The following ARHGAP25 variants were observed in gnomAD, a reference collection of about 807,000 sequenced individuals.
The protein encoded by ARHGAP25 is rho GTPase-activating protein 25.
Under a neutral mutation model 71.0 loss-of-function variants are expected in ARHGAP25, and 34 were observed. The ratio of observed to expected loss-of-function variants is 0.48; its 90% CI spans 0.36 to 0.64. The LOEUF (loss-of-function observed/expected upper bound fraction) is 0.64. ARHGAP25 is among the 30% of genes least tolerant of loss of function. The pLI is 0.00. For synonymous variants in ARHGAP25, 282 were observed against 296.5 expected (o/e 0.95, Z 0.50); for missense variants, 706 against 805.1 (o/e 0.88, Z 1.49).
chr2:68,718,635 G>T (rs1674678644), intron 2 of ARHGAP25, among the ~76,000 whole-genome samples: 1 of 152,118 alleles, frequency 6.6e-6, no homozygotes. Flanking sequence ...AGAGATATTT[G>T]TCTCTGACCC....
chr2:68,818,667 A>G (rs1444815962), intron 8 of ARHGAP25, among the ~76,000 whole-genome samples: 1 of 152,248 alleles, frequency 6.6e-6, no homozygotes, highest in African/African-American at 2.4e-5. Flanking sequence ...AAGGCTGCTT[A>G]AAAAGCTGTG....
intron 4 of ARHGAP25, among the ~76,000 whole-genome samples, chr2:68,800,406 G>T (rs1238236711): frequency 6.6e-6 from 1 of 152,170 alleles, no homozygotes; most frequent in Non-Finnish European, 1.5e-5. Context: ...GAGGGTTAAG[G>T]GGTGGAGATG....
chr2:68,726,048 T>A (rs1246910482), intron 2 of ARHGAP25, among the ~76,000 whole-genome samples: 2 of 152,206 alleles, frequency 1.3e-5, no homozygotes, highest in Non-Finnish European at 2.9e-5. Context: ...CCCGTAGCAC[T>A]TTTTCTTTTT....
At chr2:68,805,025 G>C (rs1170268121) in intron 4 of ARHGAP25, among the ~76,000 whole-genome samples, 1 of 152,182 alleles carries the variant, frequency 6.6e-6, no homozygotes, top group Non-Finnish European at 1.5e-5. Context: ...CACAGAGTAG[G>C]ATGTAGTCCC....
At chr2:68,772,011 C>A (rs1293603576) in intron 1 of ARHGAP25, among the ~76,000 whole-genome samples, 1 of 152,210 alleles carries the variant, frequency 6.6e-6, no homozygotes. Context: ...TTTGCCAGGT[C>A]ATTCTGCAAC....
intron 9 of ARHGAP25, 122 bp downstream of exon 9, chr2:68,819,441 C>T (rs1681476682): frequency 1.0e-6 from 1 of 974,702 alleles, no homozygotes; most frequent in Admixed American, 1.9e-5. Context: ...GCAGTGGGCG[C>T]TGCTGCTACA....
upstream of ARHGAP25, among the ~76,000 whole-genome samples, chr2:68,731,207 C>G (rs1675013414): frequency 6.6e-6 from 1 of 152,040 alleles, no homozygotes; most frequent in African/African-American, 2.4e-5. Context: ...CAACATGCCC[C>G]AAACTAAGCC....
intron 5 of ARHGAP25, among the ~76,000 whole-genome samples, chr2:68,813,032 A>C (rs976018941): frequency 6.6e-5 from 10 of 152,214 alleles, no homozygotes; most frequent in Admixed American, 3.9e-4. Context: ...ACGTTTAGTA[A>C]AAATGTAGAC....
intron 4 of ARHGAP25, among the ~76,000 whole-genome samples, chr2:68,804,669 A>G (rs570573407): frequency 7.2e-4 from 110 of 152,314 alleles, no homozygotes; most frequent in Middle Eastern, 3.4e-3. Context: ...AACCCATTCC[A>G]TGGAACCTGG....
At chr2:68,719,424 A>G (rs930511526) in intron 2 of ARHGAP25, among the ~76,000 whole-genome samples, 1 of 142,014 alleles carries the variant, frequency 7.0e-6, no homozygotes, top group Non-Finnish European at 1.6e-5. Context: ...ATTGGTCGAC[A>G]TGGCAAAAAA....
chr2:68,711,146 TG>T (rs907599624), intron 2 of ARHGAP25, among the ~76,000 whole-genome samples: 1 of 152,228 alleles, frequency 6.6e-6, no homozygotes, highest in Non-Finnish European at 1.5e-5. Flanking sequence ...GGAAATCCAA[TG>T]TCTTCTCCTT....
chr2:68,717,556 A>G (rs2104251619), intron 2 of ARHGAP25, among the ~76,000 whole-genome samples: 1 of 152,290 alleles, frequency 6.6e-6, no homozygotes, highest in Admixed American at 6.5e-5. Context: ...TTAGGTAAAA[A>G]CTGCAGTCTT....
chr2:68,776,244 GT>G (rs1677906123), intron 2 of ARHGAP25, among the ~76,000 whole-genome samples: 1 of 151,874 alleles, frequency 6.6e-6, no homozygotes, highest in African/African-American at 2.4e-5. Context: ...AAGCAAGAGG[GT>G]AGTCAGGGGT....
chr2:68,732,669 T>A (rs1342387994), upstream of ARHGAP25, among the ~76,000 whole-genome samples: 1 of 152,206 alleles, frequency 6.6e-6, no homozygotes, highest in Non-Finnish European at 1.5e-5. Flanking sequence ...CCTCCGGCCC[T>A]TCTCCCTCCC....
intron 2 of ARHGAP25, among the ~76,000 whole-genome samples, chr2:68,716,759 A>G (rs1196524891): frequency 6.6e-6 from 1 of 152,224 alleles, no homozygotes; most frequent in African/African-American, 2.4e-5. Context: ...GTCATCTCAG[A>G]TAGGCGTCCT....
chr2:68,718,639 C>T (rs904888207), intron 2 of ARHGAP25, among the ~76,000 whole-genome samples: 1 of 152,156 alleles, frequency 6.6e-6, no homozygotes, highest in African/African-American at 2.4e-5. Flanking sequence ...ATATTTGTCT[C>T]TGACCCTGGT....
intron 2 of ARHGAP25, among the ~76,000 whole-genome samples, chr2:68,727,187 G>A (rs1433613620): frequency 2.6e-5 from 4 of 152,118 alleles, no homozygotes; most frequent in Non-Finnish European, 5.9e-5. Flanking sequence ...CAACACGGGG[G>A]CCCACGTTCA....
chr2:68,823,170 T>G (rs1429306393), intron 10 of ARHGAP25, among the ~76,000 whole-genome samples: 2 of 151,366 alleles, frequency 1.3e-5, no homozygotes, highest in Non-Finnish European at 2.9e-5. Flanking sequence ...AGGAAATTAA[T>G]TTTTTTTATG....
chr2:68,745,247 A>C (rs1244868223), intron 1 of ARHGAP25, among the ~76,000 whole-genome samples: 1 of 152,126 alleles, frequency 6.6e-6, no homozygotes, highest in Non-Finnish European at 1.5e-5. Context: ...CAGCTCAGCC[A>C]CTCATAGTCA....
Sources: allele counts gnomAD v4.1 joint callset (sites outside exome capture counted in the v4.1 genomes callset), GRCh38; gene constraint gnomAD v4.1.1; transcripts MANE v1.5; gene names NCBI Gene and HGNC (gene_info 2026-07-23, HGNC 2026-07-21).